Variants in NAALADL2 observed in about 807,000 individuals in gnomAD.
NAALADL2 encodes the protein inactive N-acetylated-alpha-linked acidic dipeptidase-like protein 2.
NAALADL2 carries 76 observed loss-of-function variants against 87.2 expected under a neutral mutation model. The ratio of observed to expected loss-of-function variants is 0.87; its 90% CI spans 0.72 to 1.05. The LOEUF (loss-of-function observed/expected upper bound fraction) is 1.05, where lower values mean the gene tolerates loss of function less well. NAALADL2 is among the 50% of genes least tolerant of loss of function. The pLI is 0.00. For synonymous variants in NAALADL2, 354 were observed against 331.0 expected (o/e 1.07, Z -0.75); for missense variants, 1,089 against 945.8 (o/e 1.15, Z -1.99).
intron 1 of NAALADL2, among the ~76,000 whole-genome samples, chr3:174,884,461 A>G (rs150040047): frequency 6.6e-6 from 1 of 152,296 alleles, no homozygotes; most frequent in Non-Finnish European, 1.5e-5. Flanking sequence ...CATGAGCATG[A>G]GCCCATTGTC....
intron 2 of NAALADL2, among the ~76,000 whole-genome samples, chr3:174,662,780 A>C (rs566468899): frequency 3.9e-5 from 6 of 152,306 alleles, no homozygotes; most frequent in African/African-American, 1.4e-4. Context: ...CGGCCAATGC[A>C]TATGGCTATG....
intron 11 of NAALADL2, among the ~76,000 whole-genome samples, chr3:175,730,597 A>G (rs1013045607): frequency 1.3e-5 from 2 of 151,132 alleles, no homozygotes; most frequent in African/African-American, 4.9e-5. Flanking sequence ...TCTTTTGACA[A>G]TCTGATCTTG....
intron 2 of NAALADL2, among the ~76,000 whole-genome samples, chr3:175,101,461 G>T (rs769936616): frequency 6.6e-6 from 1 of 152,146 alleles, no homozygotes; most frequent in African/African-American, 2.4e-5. Flanking sequence ...AAGCTTGAAT[G>T]TCACAGGTAC....
At chr3:174,755,113 C>T (rs866727181) in intron 3 of NAALADL2, among the ~76,000 whole-genome samples, 4 of 152,264 alleles carry the variant, frequency 2.6e-5, no homozygotes, top group South Asian at 4.1e-4. Flanking sequence ...ATGCTGTTCT[C>T]GTAATAGTGA....
At position 175,433,286 on chromosome 3, in the gene NAALADL2, A is replaced by G. The variant is rs1042320839; in HGVS notation, c.1091-13943A>G. On this transcript the variant is annotated intron_variant, in intron 5 of 13. Coordinates refer to ENST00000454872, the MANE Select transcript of NAALADL2 (RefSeq NM_207015.3). The stretch of plus-strand genomic sequence containing the variant: ...CAGTGTTGACTAAGAATGACACAAA[A>G]CATTCTTTAAATGTAGCACTGGCGT... Among the ~76,000 whole-genome samples the G allele has an allele frequency of 2.0e-5, 3 of 152,042 alleles. No individual in the cohort carries two copies. In the East Asian group the frequency reaches 5.8e-4, roughly 29 times the overall value.
At chr3:175,169,456 A>AAT (rs141242519) in intron 2 of NAALADL2, among the ~76,000 whole-genome samples, 4,945 of 147,078 alleles carry the variant, frequency 0.034, 114 homozygotes, top group Middle Eastern at 0.071. Flanking sequence ...TAGTTGTAAG[A>AAT]ATATATATAT....
At chr3:174,797,300 TTTTTC>T (rs1213491441) in intron 3 of NAALADL2, among the ~76,000 whole-genome samples, 7 of 103,072 alleles carry the variant, frequency 6.8e-5, no homozygotes, top group South Asian at 3.0e-4. Flanking sequence ...TTGTTTTTCT[TTTTTC>T]TTTTTTTTTT....
At chr3:175,779,449 A>T (rs919410325) in intron 13 of NAALADL2, among the ~76,000 whole-genome samples, 2 of 150,938 alleles carry the variant, frequency 1.3e-5, no homozygotes, top group African/African-American at 4.9e-5. Context: ...GATGTAATTC[A>T]TTTTTTTTTC....
At chr3:175,103,074 T>C (rs1260717473) in intron 2 of NAALADL2, among the ~76,000 whole-genome samples, 1 of 143,214 alleles carries the variant, frequency 7.0e-6, no homozygotes, top group Non-Finnish European at 1.5e-5. Context: ...CACCACTGCA[T>C]TCCAGCCAAA....
intron 13 of NAALADL2, among the ~76,000 whole-genome samples, chr3:175,795,298 A>T (rs1576855440): frequency 1.3e-5 from 2 of 152,176 alleles, no homozygotes; most frequent in Non-Finnish European, 2.9e-5. Flanking sequence ...TTTGTAATGC[A>T]TACCTCATGG....
chr3:174,450,889 A>G lies in NAALADL2; in HGVS notation c.-184+9857A>G, dbSNP rs938644725. On this transcript the variant is annotated intron_variant, in intron 1 of 3. Transcript: ENST00000434257. ...TGTCTCAAAAAAAAAAAAAAAAAAA[A>G]AAAAGAAAGAAAGAAAAAGACTGGG... Among the ~76,000 whole-genome samples, 5 of 150,852 alleles carry G rather than the reference A, an allele frequency of 3.3e-5. No individual in the cohort carries two copies. In the East Asian group the frequency reaches 7.8e-4, roughly 23 times the overall value.
intron 1 of NAALADL2, among the ~76,000 whole-genome samples, chr3:175,016,600 G>A (rs866346387): frequency 2.0e-5 from 3 of 151,348 alleles, no homozygotes; most frequent in East Asian, 1.9e-4. Context: ...ATACATATAC[G>A]CAAATTAAAG....
chr3:174,708,024 C>CA (rs892533671), intron 2 of NAALADL2, among the ~76,000 whole-genome samples: 25 of 151,772 alleles, frequency 1.6e-4, no homozygotes, highest in Non-Finnish European at 1.8e-4. Flanking sequence ...TACTTCAATA[C>CA]AAAAAAAATC....
chr3:175,645,796 A>C (rs1729928530), intron 11 of NAALADL2, among the ~76,000 whole-genome samples: 1 of 152,124 alleles, frequency 6.6e-6, no homozygotes, highest in Non-Finnish European at 1.5e-5. Context: ...CAAGTTTCCA[A>C]GACAGTGTGA....
chr3:175,552,932 G>C (rs1714662337), intron 9 of NAALADL2, among the ~76,000 whole-genome samples: 1 of 151,888 alleles, frequency 6.6e-6, no homozygotes, highest in Non-Finnish European at 1.5e-5. Context: ...TGACAAATAG[G>C]TTATTTTTAT....
At chr3:175,207,364 A>G (rs567861108) in intron 2 of NAALADL2, among the ~76,000 whole-genome samples, 139 of 152,226 alleles carry the variant, frequency 9.1e-4, no homozygotes, top group Non-Finnish European at 1.6e-3. Context: ...GATTAAAACC[A>G]TGATGGAAGT....
intron 2 of NAALADL2, among the ~76,000 whole-genome samples, chr3:174,585,980 G>C (rs1228276719): frequency 6.6e-6 from 1 of 152,190 alleles, no homozygotes; most frequent in Non-Finnish European, 1.5e-5. Flanking sequence ...GCATAGGACT[G>C]TTATAAGCAT....
intron 2 of NAALADL2, among the ~76,000 whole-genome samples, chr3:174,708,558 T>G (rs898956378): frequency 2.0e-5 from 3 of 152,170 alleles, no homozygotes; most frequent in African/African-American, 7.2e-5. Context: ...AATTATAAAA[T>G]TACATTTTGT....
At chr3:174,721,033 C>T (rs1731665549) in intron 2 of NAALADL2, among the ~76,000 whole-genome samples, 1 of 152,070 alleles carries the variant, frequency 6.6e-6, no homozygotes. Context: ...ACCAGACATA[C>T]TGATAGAGAT....
Sources: allele counts gnomAD v4.1 joint callset (sites outside exome capture counted in the v4.1 genomes callset), GRCh38; gene constraint gnomAD v4.1.1; transcripts MANE v1.5; gene names NCBI Gene and HGNC (gene_info 2026-07-23, HGNC 2026-07-21).